WDPCP: variants seen among roughly 807,000 people sequenced by gnomAD.
WDPCP encodes WD repeat containing planar cell polarity effector, also known as WD repeat-containing and planar cell polarity effector protein fritz homolog.
WDPCP carries 71 observed loss-of-function variants against 93.1 expected under a neutral mutation model. That is an observed-to-expected ratio of 0.76 (90% CI 0.63 to 0.93). The LOEUF (loss-of-function observed/expected upper bound fraction) is 0.93. Among genes scored for constraint, WDPCP ranks in the 40% least tolerant of loss-of-function variants. WDPCP has a pLI of 0.00. For missense variants in WDPCP, 844 were observed against 887.4 expected (o/e 0.95, Z 0.62); for synonymous variants, 315 against 315.0 (o/e 1.00, Z 0.00).
intron 12 of WDPCP, among the ~76,000 whole-genome samples, chr2:63,329,398 G>A (rs968935494): frequency 4.6e-5 from 7 of 151,884 alleles, no homozygotes; most frequent in South Asian, 4.2e-4. Flanking sequence ...TGTACATACC[G>A]CACTTTTTTT....
chr2:63,298,076 T>G (rs541766184), intron 13 of WDPCP, among the ~76,000 whole-genome samples: 3 of 152,242 alleles, frequency 2.0e-5, no homozygotes, highest in African/African-American at 7.2e-5. Context: ...TCCCAGTGAA[T>G]AGGAATGCAT....
intron 2 of WDPCP, among the ~76,000 whole-genome samples, chr2:63,728,192 C>T (rs1575759489): frequency 2.6e-5 from 4 of 152,170 alleles, no homozygotes; most frequent in South Asian, 4.1e-4. Flanking sequence ...TTGTTTAATA[C>T]AAGCAGTAGC....
rs371044475 is a variant in WDPCP at position 63,712,317 on chromosome 2, A to C, written n.309-61479T>G. 2.0e-5 allele frequency among the ~76,000 whole-genome samples: 3 copies of C among 152,328 alleles called. No homozygotes were observed. In the South Asian group the frequency reaches 6.2e-4, roughly 32 times the overall value. ...ATATTGCCATGAGTTACCAATTTGC[A>C]TCAGATGCATTTTCCAATATTTTTT... On this transcript the variant is annotated intron_variant and non_coding_transcript_variant, in intron 2 of 4. Transcript: ENST00000467687.
At chr2:63,241,765 T>G (rs887082242) in intron 14 of WDPCP, among the ~76,000 whole-genome samples, 5 of 152,072 alleles carry the variant, frequency 3.3e-5, no homozygotes, top group African/African-American at 1.2e-4. Flanking sequence ...CCCAGCTAAA[T>G]TTTTAATTTT....
chr2:63,128,443 A>T (rs2153398039), intron 17 of WDPCP, among the ~76,000 whole-genome samples: 1 of 152,026 alleles, frequency 6.6e-6, no homozygotes, highest in South Asian at 2.1e-4. Context: ...TAGTGGTTTC[A>T]TTTCTTTCCT....
intron 14 of WDPCP, among the ~76,000 whole-genome samples, chr2:63,216,760 G>C (rs1052935060): frequency 2.6e-5 from 4 of 151,770 alleles, no homozygotes; most frequent in Non-Finnish European, 4.4e-5. Flanking sequence ...GTAGAACATG[G>C]CCAAACTTAA....
intron 3 of WDPCP, chr2:63,642,638 G>A (rs1201411962): frequency 6.6e-6 from 1 of 151,744 alleles, no homozygotes; most frequent in Non-Finnish European, 1.5e-5. Context: ...ACTGATTTTT[G>A]TATGTTGATT....
At chr2:63,682,950 A>C (rs900792307) in intron 2 of WDPCP, among the ~76,000 whole-genome samples, 2 of 152,176 alleles carry the variant, frequency 1.3e-5, no homozygotes, top group Admixed American at 1.3e-4. Context: ...AAAAGCAGAG[A>C]AATGAAGTTA....
chr2:63,665,118 G>C (rs1710267883), intron 2 of WDPCP, among the ~76,000 whole-genome samples: 1 of 152,180 alleles, frequency 6.6e-6, no homozygotes, highest in African/African-American at 2.4e-5. Context: ...GAGTTTAAAG[G>C]AATTATGGTT....
intron 1 of WDPCP, among the ~76,000 whole-genome samples, chr2:63,523,709 C>T (rs967462159): frequency 2.0e-5 from 3 of 152,114 alleles, no homozygotes; most frequent in South Asian, 2.1e-4. Context: ...GTCAGGAGTT[C>T]GAGACCAGTT....
chr2:63,262,495 G>A (rs1681717937), intron 13 of WDPCP, among the ~76,000 whole-genome samples: 1 of 142,304 alleles, frequency 7.0e-6, no homozygotes, highest in Admixed American at 7.2e-5. Flanking sequence ...ACTTATTCTA[G>A]TTAATTTTAA....
intron 3 of WDPCP, chr2:63,606,005 T>G: frequency 6.2e-7 from 1 of 1,614,090 alleles, no homozygotes; most frequent in Non-Finnish European, 8.5e-7. Flanking sequence ...TGATCTGCTC[T>G]ACTCATTCCC....
At chr2:63,263,517 C>G (rs541591485) in intron 13 of WDPCP, among the ~76,000 whole-genome samples, 31 of 152,226 alleles carry the variant, frequency 2.0e-4, no homozygotes, top group African/African-American at 7.5e-4. Flanking sequence ...TCACTCTTAC[C>G]AGATCCCAGC....
intron 2 of WDPCP, among the ~76,000 whole-genome samples, chr2:63,675,010 C>G (rs1235393256): frequency 6.6e-6 from 1 of 152,124 alleles, no homozygotes; most frequent in Non-Finnish European, 1.5e-5. Context: ...CTTATGCCAG[C>G]CTATGTCTAC....
chr2:63,219,268 A>G lies in WDPCP; in HGVS notation c.1915+40039T>C, dbSNP rs1379175652. On this transcript the variant is annotated intron_variant, in intron 14 of 17. Coordinates refer to ENST00000272321, the MANE Select transcript of WDPCP (RefSeq NM_015910.7). ...ATGCTACTCTGAATGACAGTTTACA[A>G]TTTACAAGTAGGGTGTGGCTAAAAA... Among the ~76,000 whole-genome samples the G allele has an allele frequency of 4.6e-5, 7 of 152,220 alleles. No individual in the cohort carries two copies. The East Asian group carries it at 1.3e-3, about 29-fold the overall frequency.
intron 14 of WDPCP, chr2:63,232,955 G>A: frequency 5.6e-6 from 1 of 178,936 alleles, no homozygotes; most frequent in South Asian, 1.3e-4. Context: ...GAAGCAAGGA[G>A]GAAAAGAAAG....
chr2:63,166,170 A>G (rs545321616), intron 15 of WDPCP, among the ~76,000 whole-genome samples: 120 of 151,604 alleles, frequency 7.9e-4, no homozygotes, highest in African/African-American at 2.7e-3. Context: ...GGGTCCAAGC[A>G]ATTCTCCTGC....
At chr2:63,158,317 C>A (rs184512086) in intron 15 of WDPCP, among the ~76,000 whole-genome samples, 3 of 152,274 alleles carry the variant, frequency 2.0e-5, no homozygotes, top group African/African-American at 7.2e-5. Flanking sequence ...TGAGAAAGGA[C>A]TGATGCAGTC....
chr2:63,200,000 C>T (rs1364611632), intron 14 of WDPCP, among the ~76,000 whole-genome samples: 1 of 152,136 alleles, frequency 6.6e-6, no homozygotes, highest in African/African-American at 2.4e-5. Context: ...GACATGGAGT[C>T]AAGGGAGATT....
Sources: gnomAD v4.1 joint callset for allele counts (sites outside exome capture counted in the v4.1 genomes callset) on GRCh38, gnomAD v4.1.1 for gene constraint, MANE v1.5 for transcripts, NCBI Gene and HGNC (gene_info 2026-07-23, HGNC 2026-07-21) for gene names.